TF: variants seen among roughly 807,000 people sequenced by gnomAD.
TF encodes the protein transferrin.
Under a neutral mutation model 82.4 loss-of-function variants are expected in TF, and 55 were observed. The ratio of observed to expected loss-of-function variants is 0.67; its 90% confidence interval spans 0.54 to 0.84. The LOEUF (loss-of-function observed/expected upper bound fraction) is 0.84, where lower values mean the gene tolerates loss of function less well. TF is among the 40% of genes least tolerant of loss of function. TF has a pLI of 0.00. For missense variants in TF, 737 were observed against 868.4 expected (o/e 0.85, Z 1.90); for synonymous variants, 332 against 332.6 (o/e 1.00, Z 0.02).
chr3:133,768,784 A>ATTTTT (rs5852766), intron 13 of TF, among the ~76,000 whole-genome samples: 5 of 82,168 alleles, frequency 6.1e-5, no homozygotes, highest in South Asian at 4.2e-4. Flanking sequence ...GTACCTTGCT[A>ATTTTT]TTTTTTTTTT....
Position 133,796,572 on chromosome 3 carries a change from ATGCTCAAGCCCTC to A in TF, c.*17956_*17968del. ...TCTGTAACCGGGCTATTGAGCCCCT[ATGCTCAAGCCCTC>A]TGCCACCCTGTGGAGTGTACTTTTG... On this transcript the variant is annotated 3_prime_UTR_variant, in exon 17 of 17. Coordinates refer to ENST00000402696, the MANE Select transcript of TF (RefSeq NM_001063.4). 6.6e-6 allele frequency: 1 copy of A among 152,218 alleles called. No homozygotes were observed. Among genetic ancestry groups the A allele is most frequent in the Non-Finnish European group, 1.5e-5 (1 of 68,044 alleles). 9.4% of individuals were successfully genotyped at this position (152,218 alleles called of 1,614,324 possible).
intron 9 of TF, 42 bp from the exon 10 acceptor site, chr3:133,764,140 A>T: frequency 6.3e-7 from 1 of 1,578,112 alleles, no homozygotes; most frequent in South Asian, 1.1e-5. Context: ...GGCACAGGAA[A>T]CAGCCTCTTT....
At chr3:133,776,349 G>C (rs1245418352) in intron 15 of TF, among the ~76,000 whole-genome samples, 1 of 152,172 alleles carries the variant, frequency 6.6e-6, no homozygotes, top group Non-Finnish European at 1.5e-5. Context: ...GGGGCTGCCT[G>C]AGTATTCTAA....
At chr3:133,746,568 C>T (rs897571703) in intron 1 of TF, 85 bp downstream of exon 1, 8 of 1,444,786 alleles carry the variant, frequency 5.5e-6, no homozygotes, top group Non-Finnish European at 7.5e-6. Flanking sequence ...AGCCTGCATG[C>T]ACTCCGCGCT....
chr3:133,673,673 T>C, the TF span, among the ~76,000 whole-genome samples: 2 of 152,158 alleles, frequency 1.3e-5, no homozygotes, highest in Admixed American at 6.5e-5. Context: ...GTGTTAGAAG[T>C]CAAGATAATG....
rs535565323 is a variant in TF, at chr3:133,780,360, A to T, written c.*1740A>T. On this transcript the variant is annotated 3_prime_UTR_variant, in exon 17 of 17. Coordinates refer to ENST00000402696, the MANE Select transcript of TF (RefSeq NM_001063.4). ...GGATCAATAAACCTAATTTTATTAC[A>T]CTACAGGTATATTCCTGGAAGTCTT... The T allele has an allele frequency of 6.6e-6, 1 of 152,228 alleles. No individual in the cohort carries two copies. Among genetic ancestry groups the T allele is most frequent in the African/African-American group, 2.4e-5 (1 of 41,470 alleles). 9.4% of individuals were successfully genotyped at this position (152,228 alleles called of 1,614,324 possible).
At chr3:133,690,460 A>T in the TF span, among the ~76,000 whole-genome samples, 3 of 152,228 alleles carry the variant, frequency 2.0e-5, no homozygotes, top group Non-Finnish European at 4.4e-5. Flanking sequence ...TCTCACTGGT[A>T]GGTTTGCAGT....
upstream of TF, among the ~76,000 whole-genome samples, chr3:133,743,064 A>T (rs1396991415): frequency 6.6e-6 from 1 of 152,126 alleles, no homozygotes; most frequent in African/African-American, 2.4e-5. Context: ...AATAAAGAGA[A>T]GGTCAATATC....
At chr3:133,773,583 C>G (rs1386036394) in intron 14 of TF, 1 of 151,976 alleles carries the variant, frequency 6.6e-6, no homozygotes, top group Non-Finnish European at 1.5e-5. Flanking sequence ...AAGGCGTAGA[C>G]TATGAAATTA....
At chr3:133,724,911 G>A in the TF span, among the ~76,000 whole-genome samples, 1 of 152,134 alleles carries the variant, frequency 6.6e-6, no homozygotes, top group African/African-American at 2.4e-5. Flanking sequence ...ATTAGATAGG[G>A]AATCCTTTCC....
chr3:133,748,122 A>G, intron 1 of TF: 1 of 472,582 alleles, frequency 2.1e-6, no homozygotes, highest in South Asian at 2.1e-5. Context: ...GGAGGAGACA[A>G]GGCGGATACA....
chr3:133,731,932 G>A, the TF span, among the ~76,000 whole-genome samples: 1 of 152,124 alleles, frequency 6.6e-6, no homozygotes, highest in Non-Finnish European at 1.5e-5. Flanking sequence ...TTAATAGAAG[G>A]TGGGCATAGG....
intron 16 of TF, 133 bp from the exon 17 acceptor site, chr3:133,778,449 AGAAC>A: frequency 1.2e-6 from 1 of 853,846 alleles, no homozygotes; most frequent in Non-Finnish European, 1.9e-6. Flanking sequence ...GAGCACTGGG[AGAAC>A]GGCCCAGTTC....
At chr3:133,758,007 G>C in intron 8 of TF, 61 bp downstream of exon 8, 1 of 1,561,532 alleles carries the variant, frequency 6.4e-7, no homozygotes, top group Non-Finnish European at 8.8e-7. Context: ...GAGCACAGGG[G>C]CCAGAGATTG....
chr3:133,711,053 T>C, the TF span, among the ~76,000 whole-genome samples: 1 of 152,298 alleles, frequency 6.6e-6, no homozygotes, highest in Non-Finnish European at 1.5e-5. Flanking sequence ...TAAAATAATA[T>C]CTCCTGGCTT....
chr3:133,743,631 A>G (rs1275666650), upstream of TF, among the ~76,000 whole-genome samples: 1 of 152,096 alleles, frequency 6.6e-6, no homozygotes, highest in East Asian at 1.9e-4. Flanking sequence ...TACAGATGCT[A>G]AAGCACCAAA....
At chr3:133,673,332 A>G in the TF span, among the ~76,000 whole-genome samples, 2 of 152,240 alleles carry the variant, frequency 1.3e-5, no homozygotes, top group African/African-American at 4.8e-5. Context: ...TAATAAGACA[A>G]CTCAGCAAGA....
the TF span, among the ~76,000 whole-genome samples, chr3:133,667,026 A>T: frequency 2.0e-5 from 3 of 150,870 alleles, no homozygotes; most frequent in African/African-American, 7.3e-5. Context: ...GCAGAGCGAG[A>T]CACTGTCTCA....
At position 133,767,927 on chromosome 3, in the gene TF, T is replaced by C. The variant is rs374212700; in HGVS notation, c.1487-102T>C. On this transcript the variant is annotated intron_variant, in intron 12 of 16. Transcript: ENST00000402696. ...GGTGGCTGGTCACAGAATTAATGAA[T>C]ATGTTCTACTTATTATGGGCCATGC... 3.3e-5 allele frequency: 47 copies of C among 1,436,216 alleles called. No homozygotes were observed. The South Asian group carries it at 5.3e-4, about 16-fold the overall frequency. 89.0% of individuals were successfully genotyped at this position (1,436,216 alleles called of 1,614,324 possible). A position where few individuals can be genotyped will look rare whatever the true frequency, so the allele number is the denominator to read the frequency against.
Sources: allele counts gnomAD v4.1 joint callset (sites outside exome capture counted in the v4.1 genomes callset), GRCh38; gene constraint gnomAD v4.1.1; transcripts MANE v1.5; gene names NCBI Gene and HGNC (gene_info 2026-07-23, HGNC 2026-07-21).